POFUT3: variants seen among roughly 807,000 people sequenced by gnomAD.
The protein encoded by POFUT3 is protein O-fucosyltransferase 3, also known as GDP-fucose protein O-fucosyltransferase 3.
chr8:33,320,499 G>A, the POFUT3 span, among the ~76,000 whole-genome samples: 1 of 152,110 alleles, frequency 6.6e-6, no homozygotes, highest in African/African-American at 2.4e-5. Context: ...TTCTATTGCA[G>A]CACAATAAAC....
At chr8:33,372,076 G>A in the POFUT3 span, 4 of 834,862 alleles carry the variant, frequency 4.8e-6, no homozygotes, top group Non-Finnish European at 5.8e-6. Context: ...AGTGGATAGT[G>A]GATAAACTTG....
chr8:33,472,783 C>T, the POFUT3 span, among the ~76,000 whole-genome samples: 1 of 152,184 alleles, frequency 6.6e-6, no homozygotes, highest in Admixed American at 6.5e-5. Flanking sequence ...GCCCGGCACC[C>T]GCCTCCCGCC....
chr8:33,369,849 C>T, the POFUT3 span, among the ~76,000 whole-genome samples: 1 of 152,028 alleles, frequency 6.6e-6, no homozygotes, highest in Non-Finnish European at 1.5e-5. Context: ...ATTCTGGTTA[C>T]TAGAATCTAG....
chr8:33,378,986 T>C, the POFUT3 span, among the ~76,000 whole-genome samples: 1 of 152,110 alleles, frequency 6.6e-6, no homozygotes, highest in African/African-American at 2.4e-5. Context: ...GGGAAGTGAT[T>C]GGATCATGGG....
At chr8:33,331,742 C>T in the POFUT3 span, among the ~76,000 whole-genome samples, 2 of 151,462 alleles carry the variant, frequency 1.3e-5, no homozygotes, top group Non-Finnish European at 1.5e-5. Context: ...GTGGCGCGAT[C>T]TCGGCTCACT....
At chr8:33,466,098 T>C in the POFUT3 span, among the ~76,000 whole-genome samples, 1 of 152,034 alleles carries the variant, frequency 6.6e-6, no homozygotes, top group South Asian at 2.1e-4. Context: ...AAGCCAGAAG[T>C]GTAGTAGGTC....
At chr8:33,396,503 C>T in the POFUT3 span, among the ~76,000 whole-genome samples, 1 of 152,166 alleles carries the variant, frequency 6.6e-6, no homozygotes, top group Non-Finnish European at 1.5e-5. Flanking sequence ...TCTAAAAATA[C>T]TATGTTTCTT....
chr8:33,378,796 T>C, the POFUT3 span, among the ~76,000 whole-genome samples: 5 of 152,174 alleles, frequency 3.3e-5, no homozygotes, highest in Admixed American at 2.6e-4. Context: ...TGGATAATTA[T>C]TATTACTGGA....
chr8:33,344,373 C>A, the POFUT3 span, among the ~76,000 whole-genome samples: 1 of 152,172 alleles, frequency 6.6e-6, no homozygotes, highest in African/African-American at 2.4e-5. Flanking sequence ...GCCTTGCTGC[C>A]ACCTCCCTGA....
the POFUT3 span, among the ~76,000 whole-genome samples, chr8:33,363,220 A>G: frequency 6.6e-6 from 1 of 152,340 alleles, no homozygotes; most frequent in East Asian, 1.9e-4. Context: ...TTGGAAACCA[A>G]TGAGAACAAA....
At chr8:33,332,580 G>A in the POFUT3 span, among the ~76,000 whole-genome samples, 12 of 152,198 alleles carry the variant, frequency 7.9e-5, no homozygotes, top group Admixed American at 2.6e-4. Flanking sequence ...ATTTCACAGC[G>A]TGAGTGGGTG....
the POFUT3 span, among the ~76,000 whole-genome samples, chr8:33,380,951 T>C: frequency 6.6e-6 from 1 of 151,482 alleles, no homozygotes; most frequent in East Asian, 1.9e-4. Flanking sequence ...ATGGACAACA[T>C]AGTGAGACTC....
chr8:33,405,729 G>A, the POFUT3 span, among the ~76,000 whole-genome samples: 6 of 152,112 alleles, frequency 3.9e-5, no homozygotes, highest in Non-Finnish European at 7.4e-5. Context: ...CTCAGAGCTC[G>A]TGTGAAGTCT....
the POFUT3 span, among the ~76,000 whole-genome samples, chr8:33,312,707 G>A: frequency 6.6e-6 from 1 of 152,062 alleles, no homozygotes; most frequent in Non-Finnish European, 1.5e-5. Context: ...AGTTCATCCT[G>A]TGCAGTTTGT....
the POFUT3 span, among the ~76,000 whole-genome samples, chr8:33,417,782 G>C: frequency 1.8e-3 from 276 of 152,116 alleles, 2 homozygotes; most frequent in Non-Finnish European, 2.4e-3. Flanking sequence ...GGAAAGAACA[G>C]AGAAGTGACA....
chr8:33,400,624 G>A, the POFUT3 span, among the ~76,000 whole-genome samples: 1 of 152,130 alleles, frequency 6.6e-6, no homozygotes, highest in African/African-American at 2.4e-5. Context: ...TTTATAGTTA[G>A]TGAAAGAGCT....
chr8:33,419,987 G>A, the POFUT3 span, among the ~76,000 whole-genome samples: 2 of 151,980 alleles, frequency 1.3e-5, no homozygotes, highest in African/African-American at 4.8e-5. Context: ...AATTAGCCAG[G>A]TGTGGTGGCA....
the POFUT3 span, among the ~76,000 whole-genome samples, chr8:33,458,584 C>G: frequency 6.6e-6 from 1 of 151,920 alleles, no homozygotes; most frequent in Non-Finnish European, 1.5e-5. Flanking sequence ...GGTGTGGTGG[C>G]AGGCACCTGT....
chr8:33,366,379 C>T, the POFUT3 span, among the ~76,000 whole-genome samples: 4 of 151,840 alleles, frequency 2.6e-5, no homozygotes, highest in African/African-American at 7.3e-5. Flanking sequence ...ACGTTGTGTA[C>T]ATGTACCCTA....
Sources: gnomAD v4.1 joint callset for allele counts (sites outside exome capture counted in the v4.1 genomes callset) on GRCh38, gnomAD v4.1.1 for gene constraint, MANE v1.5 for transcripts, NCBI Gene and HGNC (gene_info 2026-07-23, HGNC 2026-07-21) for gene names.